The following CCDC7 variants were observed in gnomAD, a reference collection of about 807,000 sequenced individuals.
CCDC7 encodes the protein coiled-coil domain-containing protein 7.
CCDC7 carries 183 observed loss-of-function variants against 196.9 expected under a neutral mutation model. The ratio of observed to expected loss-of-function variants is 0.93; its 90% confidence interval spans 0.82 to 1.05. CCDC7 has a LOEUF of 1.05. Ranked by LOEUF, CCDC7 falls within the 50% of genes least tolerant of loss-of-function variation. The pLI is 0.00. For missense variants in CCDC7, 1,540 were observed against 1,482.2 expected (o/e 1.04, Z -0.64); for synonymous variants, 525 against 484.6 (o/e 1.08, Z -1.10).
chr10:32,662,069 C>T (rs189436053), intron 20 of CCDC7, among the ~76,000 whole-genome samples: 139 of 152,248 alleles, frequency 9.1e-4, no homozygotes, highest in African/African-American at 3.1e-3. Context: ...TCCCTTTTGG[C>T]CTCTCTCCAT....
At chr10:32,856,460 C>T (rs1322005443) in intron 41 of CCDC7, among the ~76,000 whole-genome samples, 1 of 152,154 alleles carries the variant, frequency 6.6e-6, no homozygotes, top group Non-Finnish European at 1.5e-5. Context: ...ACTGAACACG[C>T]ACAGCACCCT....
chr10:32,665,094 G>C (rs768144145), intron 21 of CCDC7, among the ~76,000 whole-genome samples: 14 of 151,860 alleles, frequency 9.2e-5, no homozygotes, highest in Non-Finnish European at 1.0e-4. Flanking sequence ...ATACCTGTTG[G>C]CTATTTGCAT....
intron 18 of CCDC7, among the ~76,000 whole-genome samples, chr10:32,588,686 A>T (rs933244235): frequency 6.6e-6 from 1 of 151,890 alleles, no homozygotes; most frequent in Non-Finnish European, 1.5e-5. Flanking sequence ...AGTTTTCCCT[A>T]TTCTTTTATT....
intron 24 of CCDC7, among the ~76,000 whole-genome samples, chr10:32,709,720 A>G (rs1219668334): frequency 6.6e-6 from 1 of 152,284 alleles, no homozygotes; most frequent in East Asian, 1.9e-4. Context: ...AGTACTGGTC[A>G]TGGCCTCGGT....
At chr10:32,447,501 C>A (rs114785493), upstream of CCDC7, among the ~76,000 whole-genome samples, 1,310 of 152,222 alleles carry the variant, frequency 8.6e-3, 28 homozygotes, top group African/African-American at 0.029. Flanking sequence ...ATTCAGAATT[C>A]TTTTGAGGCT....
chr10:32,722,757 C>T (rs2082589184), intron 25 of CCDC7, among the ~76,000 whole-genome samples: 1 of 152,064 alleles, frequency 6.6e-6, no homozygotes, highest in Non-Finnish European at 1.5e-5. Context: ...AGGACTTCAA[C>T]TTACCTGTTT....
At chr10:32,711,723 A>T (rs1425291354) in exon 25 of CCDC7, 11 of 1,547,682 alleles carry the variant, frequency 7.1e-6, no homozygotes, top group Non-Finnish European at 9.7e-6. Flanking sequence ...AAGGAGAAGG[A>T]CGTAGCAGTA....
intron 24 of CCDC7, 61 bp from the exon 26 acceptor site, chr10:32,711,559 T>G: frequency 9.8e-7 from 1 of 1,024,516 alleles, no homozygotes; most frequent in Non-Finnish European, 1.4e-6. Context: ...AAATTTGAAC[T>G]CTAGGATTTC....
intron 8 of CCDC7, among the ~76,000 whole-genome samples, chr10:32,485,887 T>C (rs1477592852): frequency 1.3e-5 from 2 of 152,218 alleles, no homozygotes; most frequent in African/African-American, 2.4e-5. Flanking sequence ...TCTGTTCTTT[T>C]ACATTTGCTG....
At chr10:32,617,346 T>C (rs1423538201) in intron 18 of CCDC7, among the ~76,000 whole-genome samples, 1 of 151,872 alleles carries the variant, frequency 6.6e-6, no homozygotes, top group Non-Finnish European at 1.5e-5. Flanking sequence ...GTTTGGTTTA[T>C]TCTTTTTCCT....
chr10:32,683,859 G>C (rs2076151192), intron 21 of CCDC7, among the ~76,000 whole-genome samples: 1 of 152,188 alleles, frequency 6.6e-6, no homozygotes, highest in Non-Finnish European at 1.5e-5. Context: ...TTAGTAAGGA[G>C]TAGCAAGGCC....
intron 29 of CCDC7, among the ~76,000 whole-genome samples, chr10:32,788,592 C>A (rs948516208): frequency 1.3e-5 from 2 of 152,190 alleles, no homozygotes; most frequent in African/African-American, 4.8e-5. Flanking sequence ...TCTCACAACT[C>A]CAGGCTTTAG....
chr10:32,842,053 G>A (rs1398416640), intron 33 of CCDC7, among the ~76,000 whole-genome samples: 1 of 152,000 alleles, frequency 6.6e-6, no homozygotes, highest in African/African-American at 2.4e-5. Context: ...AAGACTTCAT[G>A]ACAAAGAACC....
exon 23 of CCDC7, chr10:32,882,755 G>A (rs1489719035): frequency 6.6e-6 from 1 of 152,046 alleles, no homozygotes; most frequent in South Asian, 2.1e-4. Flanking sequence ...TGTTGCTGAG[G>A]GTAAGAAAGG....
intron 3 of CCDC7, among the ~76,000 whole-genome samples, chr10:32,461,709 G>GTGTATATATATA (rs1471520620): frequency 1.0e-4 from 6 of 57,482 alleles, no homozygotes; most frequent in Non-Finnish European, 1.9e-4. Flanking sequence ...GTGTGTGTGT[G>GTGTATATATATA]TATATATATA....
chr10:32,636,599 G>C (rs1312197282), intron 20 of CCDC7, among the ~76,000 whole-genome samples: 2 of 152,160 alleles, frequency 1.3e-5, no homozygotes, highest in African/African-American at 4.8e-5. Flanking sequence ...TGATGTATAT[G>C]TGCCACATTT....
intron 29 of CCDC7, among the ~76,000 whole-genome samples, chr10:32,804,284 CT>C (rs1258440038): frequency 1.3e-5 from 2 of 152,092 alleles, no homozygotes; most frequent in Non-Finnish European, 2.9e-5. Context: ...CATGGTTAGA[CT>C]ACTAAATCCA....
At chr10:32,590,274 A>G (rs1564752286) in intron 18 of CCDC7, among the ~76,000 whole-genome samples, 1 of 152,180 alleles carries the variant, frequency 6.6e-6, no homozygotes, top group African/African-American at 2.4e-5. Flanking sequence ...TGCAAATCAT[A>G]TAACCCATTA....
At chr10:32,754,557 A>G (rs1001410640) in intron 28 of CCDC7, among the ~76,000 whole-genome samples, 1 of 152,228 alleles carries the variant, frequency 6.6e-6, no homozygotes, top group Non-Finnish European at 1.5e-5. Context: ...ATATTTCAGT[A>G]TGAAAATAAT....
Sources: gnomAD v4.1 joint callset for allele counts (sites outside exome capture counted in the v4.1 genomes callset) on GRCh38, gnomAD v4.1.1 for gene constraint, MANE v1.5 for transcripts, NCBI Gene and HGNC (gene_info 2026-07-23, HGNC 2026-07-21) for gene names.